The following HGD variants were observed in gnomAD, a reference collection of about 807,000 sequenced individuals.
The protein encoded by HGD is homogentisate 1,2-dioxygenase, also known as homogentisate oxidase.
In HGD, 61 loss-of-function variants were observed where a neutral mutation model predicts 60.8. The observed-to-expected ratio is 1.00, with a 90% confidence interval of 0.82 to 1.24. The LOEUF (loss-of-function observed/expected upper bound fraction) is 1.24. HGD is among the 50% of genes most tolerant of loss of function. HGD has a pLI of 0.00. For missense variants in HGD, 542 were observed against 547.1 expected, an observed-to-expected ratio of 0.99 and a Z score of 0.09; for synonymous variants, 212 against 187.7, an observed-to-expected ratio of 1.13 and a Z score of -1.06.
Position 120,646,254 on chromosome 3 carries a change from A to G in HGD, c.649+13T>C, listed in dbSNP as rs368003988. On this transcript the variant is annotated intron_variant, in intron 9 of 13. Transcript: ENST00000283871. ...TCTCAAGCGAGGCTTAGAGGCTTGT[A>G]ATGAAGATTTACCAATTGGTCCAAG... 4.0e-6 allele frequency: 6 copies of G among 1,501,566 alleles called. No homozygotes were observed. The highest frequency in any genetic ancestry group is 2.3e-5 in the East Asian group (1 of 44,364). The allele number at this position is 1,501,566 out of a possible 1,614,324, so 93.0% of individuals were successfully genotyped here.
At chr3:120,644,499 C>A in intron 9 of HGD, 56 bp from the exon 10 acceptor site, 1 of 1,612,120 alleles carries the variant, frequency 6.2e-7, no homozygotes, top group Non-Finnish European at 8.5e-7. Flanking sequence ...AGGAAAGATG[C>A]CCATGGTTGC....
intron 6 of HGD, among the ~76,000 whole-genome samples, chr3:120,648,924 G>T (rs1941246495): frequency 1.3e-5 from 2 of 152,098 alleles, no homozygotes; most frequent in South Asian, 4.1e-4. Flanking sequence ...AACCCTGAAG[G>T]AGTTGCCTGA....
intron 1 of HGD, among the ~76,000 whole-genome samples, chr3:120,679,896 C>T (rs1465130211): frequency 6.6e-6 from 1 of 152,220 alleles, no homozygotes; most frequent in Non-Finnish European, 1.5e-5. Context: ...CAAGATAATA[C>T]ATTTGTGTTG....
intron 3 of HGD, among the ~76,000 whole-genome samples, chr3:120,673,953 G>A (rs1427479731): frequency 6.6e-6 from 1 of 152,180 alleles, no homozygotes; most frequent in African/African-American, 2.4e-5. Context: ...CACACAGCTG[G>A]AAAAGGAGCC....
Position 120,660,352 on chromosome 3 carries a change from G to A in HGD, c.283-7701C>T, listed in dbSNP as rs187620834. 5.3e-5 allele frequency among the ~76,000 whole-genome samples: 8 copies of A among 152,250 alleles called. No homozygotes were observed. In the East Asian group the frequency reaches 1.5e-3, roughly 29 times the overall value. ...CAGTCCAGACTAAGAAAGATAGGAA[G>A]GATTAAAATAAAACAGTGGCTCACT... On this transcript the variant is annotated intron_variant, in intron 4 of 13. Coordinates refer to ENST00000283871, the MANE Select transcript of HGD (RefSeq NM_000187.4).
intron 4 of HGD, among the ~76,000 whole-genome samples, chr3:120,665,693 C>A (rs1220963124): frequency 2.0e-5 from 3 of 152,214 alleles, no homozygotes; most frequent in Admixed American, 2.0e-4. Flanking sequence ...GAGAGGGTAT[C>A]AAGGATGACA....
At chr3:120,670,140 C>T (rs61795577) in intron 4 of HGD, among the ~76,000 whole-genome samples, 36,130 of 151,990 alleles carry the variant, frequency 0.24, 4,827 homozygotes, top group African/African-American at 0.36. Context: ...CTTCCCTTTC[C>T]GCCATGATTG....
In HGD at chr3:120,667,837, C is replaced by G. The variant is rs942482618; in HGVS notation, c.282+2590G>C. 3.9e-5 allele frequency among the ~76,000 whole-genome samples: 6 copies of G among 152,058 alleles called. No homozygotes were observed. The East Asian group carries it at 7.7e-4, about 20-fold the overall frequency. Reference sequence around the variant, plus strand: ...CAATAATTTAAATTATCCAAATCTGCCCATGGACTTTTCTTATAATCCCTC... The same window carrying G: ...CAATAATTTAAATTATCCAAATCTGGCCATGGACTTTTCTTATAATCCCTC... On this transcript the variant is annotated intron_variant, in intron 4 of 13. Coordinates refer to ENST00000283871, the MANE Select transcript of HGD (RefSeq NM_000187.4).
At chr3:120,632,370 C>T (rs1207750771) in intron 13 of HGD, among the ~76,000 whole-genome samples, 1 of 152,184 alleles carries the variant, frequency 6.6e-6, no homozygotes, top group African/African-American at 2.4e-5. Context: ...TCCCTGTGGA[C>T]CATAAACTCT....
intron 13 of HGD, among the ~76,000 whole-genome samples, chr3:120,628,960 G>A (rs1940501000): frequency 6.6e-6 from 1 of 152,164 alleles, no homozygotes; most frequent in African/African-American, 2.4e-5. Flanking sequence ...TTAAGGCTGA[G>A]AGCTGGGAAA....
chr3:120,635,971 G>A (rs1042096595), intron 12 of HGD, among the ~76,000 whole-genome samples: 1 of 151,878 alleles, frequency 6.6e-6, no homozygotes, highest in Non-Finnish European at 1.5e-5. Context: ...TGACTTGCCA[G>A]TGAAAAATGT....
intron 4 of HGD, among the ~76,000 whole-genome samples, chr3:120,653,822 T>C (rs1380555262): frequency 6.6e-6 from 1 of 152,242 alleles, no homozygotes; most frequent in Non-Finnish European, 1.5e-5. Context: ...CTTGGCACTA[T>C]TGACAGTTTA....
chr3:120,650,380 T>A (rs902207148), intron 6 of HGD, among the ~76,000 whole-genome samples: 1 of 152,254 alleles, frequency 6.6e-6, no homozygotes, highest in African/African-American at 2.4e-5. Context: ...GATCTCCTGA[T>A]GGCTGTGTCG....
intron 13 of HGD, among the ~76,000 whole-genome samples, chr3:120,630,190 C>T (rs541144197): frequency 7.9e-5 from 12 of 152,168 alleles, no homozygotes; most frequent in East Asian, 3.9e-4. Flanking sequence ...ATTAAGATGA[C>T]GATACTATCC....
Position 120,675,948 on chromosome 3 carries a change from T to A in HGD, c.16-85A>T, listed in dbSNP as rs900189390. The A allele has an allele frequency of 8.7e-6, 8 of 917,264 alleles. No individual in the cohort carries two copies. In the African/African-American group the frequency reaches 1.3e-4, roughly 15 times the overall value. The allele number at this position is 917,264 out of a possible 1,614,324, so 56.8% of individuals were successfully genotyped here. A position where few individuals can be genotyped will look rare whatever the true frequency, so the allele number is the denominator to read the frequency against. On this transcript the variant is annotated intron_variant, in intron 1 of 13. Coordinates refer to ENST00000283871, the MANE Select transcript of HGD (RefSeq NM_000187.4). ...ATTGGCAGTTTACTAAGGTAAGAAT[T>A]TCTATATGGACCTATGTTTGTGTAT...
chr3:120,676,098 T>C (rs1708125382), intron 1 of HGD, among the ~76,000 whole-genome samples: 1 of 152,148 alleles, frequency 6.6e-6, no homozygotes, highest in Non-Finnish European at 1.5e-5. Flanking sequence ...TGCATAGACT[T>C]CTCCACCCTT....
intron 12 of HGD, among the ~76,000 whole-genome samples, chr3:120,637,317 A>AG (rs1940816418): frequency 6.6e-6 from 1 of 151,604 alleles, no homozygotes; most frequent in South Asian, 2.1e-4. Flanking sequence ...GAAAAAAAAA[A>AG]AAAAAAAGCG....
At chr3:120,665,355 C>G (rs1707875515) in intron 4 of HGD, among the ~76,000 whole-genome samples, 1 of 152,064 alleles carries the variant, frequency 6.6e-6, no homozygotes, top group Non-Finnish European at 1.5e-5. Flanking sequence ...GATTTTTCAA[C>G]AATCAAGAGG....
chr3:120,655,531 C>G (rs947376270), intron 4 of HGD, among the ~76,000 whole-genome samples: 6 of 152,092 alleles, frequency 3.9e-5, no homozygotes, highest in African/African-American at 1.4e-4. Context: ...TAAGAAAATC[C>G]CCAAGGTGGT....
Sources: allele counts gnomAD v4.1 joint callset (sites outside exome capture counted in the v4.1 genomes callset), GRCh38; gene constraint gnomAD v4.1.1; transcripts MANE v1.5; gene names NCBI Gene and HGNC (gene_info 2026-07-23, HGNC 2026-07-21).